The following PTPRD variants were observed in gnomAD, a reference collection of about 807,000 sequenced individuals.
PTPRD encodes protein tyrosine phosphatase receptor type D.
In PTPRD, 34 loss-of-function variants were observed where a neutral mutation model predicts 214.5. That is an observed-to-expected ratio of 0.16 (90% CI 0.12 to 0.21). The LOEUF is 0.21. PTPRD is among the 10% of genes least tolerant of loss of function. The probability of loss-of-function intolerance (pLI) is 1.00; values close to 1 mark genes in which losing one functional copy is unlikely to be tolerated. For missense variants in PTPRD, 2,545 were observed against 2,398.7 expected (o/e 1.06, Z -1.27); for synonymous variants, 1,128 against 845.7 (o/e 1.33, Z -5.79).
intron 7 of PTPRD, among the ~76,000 whole-genome samples, chr9:9,651,822 G>GTTT (rs1470208021): frequency 3.2e-5 from 3 of 92,594 alleles, no homozygotes; most frequent in African/African-American, 7.4e-5. Flanking sequence ...TTTATTCAAG[G>GTTT]TTTGTTTTTT....
chr9:8,330,338 T>G (rs559072796), intron 44 of PTPRD, among the ~76,000 whole-genome samples: 8 of 152,236 alleles, frequency 5.3e-5, no homozygotes, highest in African/African-American at 1.9e-4. Context: ...GTAAGTACAT[T>G]GTTGTTTGTT....
chr9:10,295,402 A>C (rs550960199), intron 3 of PTPRD, among the ~76,000 whole-genome samples: 9 of 152,200 alleles, frequency 5.9e-5, no homozygotes, highest in African/African-American at 2.2e-4. Context: ...AATTACCAAG[A>C]ATATCAACTA....
chr9:8,521,621 C>A (rs1020176557), intron 19 of PTPRD, 75 bp from the exon 20 acceptor site: 1 of 1,493,716 alleles, frequency 6.7e-7, no homozygotes, highest in Admixed American at 1.8e-5. Context: ...ATGACATGCA[C>A]CGTACAGACA....
chr9:9,756,399 C>T (rs75401143), intron 6 of PTPRD, among the ~76,000 whole-genome samples: 8,309 of 152,088 alleles, frequency 0.055, 664 homozygotes, highest in East Asian at 0.38. Flanking sequence ...AACATTTATT[C>T]AGTTTTAACA....
chr9:8,604,799 A>G (rs938087358), intron 14 of PTPRD, among the ~76,000 whole-genome samples: 1 of 152,282 alleles, frequency 6.6e-6, no homozygotes, highest in African/African-American at 2.4e-5. Context: ...GCTTTCATAA[A>G]CGGGTATGAT....
chr9:9,375,707 A>T (rs912620480), intron 9 of PTPRD, among the ~76,000 whole-genome samples: 1 of 152,182 alleles, frequency 6.6e-6, no homozygotes, highest in East Asian at 1.9e-4. Flanking sequence ...ACAAAGAATA[A>T]ATATGGTATG....
intron 7 of PTPRD, among the ~76,000 whole-genome samples, chr9:9,684,423 G>A (rs374584790): frequency 5.9e-5 from 9 of 151,414 alleles, no homozygotes; most frequent in Admixed American, 4.0e-4. Context: ...AGATTAGTTC[G>A]ACTCTAAAAA....
At chr9:9,824,115 G>A (rs2051803994) in intron 5 of PTPRD, among the ~76,000 whole-genome samples, 1 of 151,778 alleles carries the variant, frequency 6.6e-6, no homozygotes, top group Non-Finnish European at 1.5e-5. Flanking sequence ...ATATAAGAAT[G>A]ATAAATGAAT....
chr9:8,687,432 G>C (rs963198836), intron 12 of PTPRD, among the ~76,000 whole-genome samples: 3 of 152,178 alleles, frequency 2.0e-5, no homozygotes, highest in African/African-American at 7.2e-5. Flanking sequence ...AGTTTGGTAA[G>C]GACAACACAA....
Position 10,269,529 on chromosome 9 carries a change from G to C in PTPRD, c.-545+71434C>G, listed in dbSNP as rs140953745. ...GAAAACCCTTTGATTTCTAAGAAAA[G>C]AGAGGGTGCTCTACTGTTGCTTACA... On this transcript the variant is annotated intron_variant, in intron 3 of 45. Transcript: ENST00000381196. Among the ~76,000 whole-genome samples, 283 of 152,244 alleles carry C rather than the reference G, an allele frequency of 1.9e-3. 1 individual carries two copies. Among genetic ancestry groups the C allele is most frequent in the Admixed American group, 3.1e-3 (47 of 15,296 alleles).
intron 9 of PTPRD, among the ~76,000 whole-genome samples, chr9:9,268,295 T>A (rs1303140287): frequency 6.6e-6 from 1 of 151,018 alleles, no homozygotes; most frequent in African/African-American, 2.4e-5. Flanking sequence ...TACTTACGAA[T>A]TAATTTAACT....
intron 9 of PTPRD, among the ~76,000 whole-genome samples, chr9:9,279,017 T>C (rs937046182): frequency 6.6e-5 from 10 of 151,158 alleles, no homozygotes; most frequent in African/African-American, 1.9e-4. Context: ...CGGAAAACTA[T>C]ATATTAATTT....
chr9:9,812,942 TATC>T (rs1166859421), intron 5 of PTPRD, among the ~76,000 whole-genome samples: 5 of 152,250 alleles, frequency 3.3e-5, no homozygotes, highest in African/African-American at 1.2e-4. Context: ...AGATACTTGT[TATC>T]ATATTTGGTA....
At chr9:10,411,380 G>C (rs968113019) in intron 2 of PTPRD, among the ~76,000 whole-genome samples, 2 of 151,704 alleles carry the variant, frequency 1.3e-5, no homozygotes, top group Non-Finnish European at 2.9e-5. Flanking sequence ...ATCATGAAAG[G>C]ATGCAACCAT....
chr9:9,150,110 T>G (rs1160439397), intron 10 of PTPRD, among the ~76,000 whole-genome samples: 1 of 152,206 alleles, frequency 6.6e-6, no homozygotes, highest in Non-Finnish European at 1.5e-5. Context: ...AAAGCTGCCT[T>G]GTTTTTTGAA....
intron 4 of PTPRD, among the ~76,000 whole-genome samples, chr9:9,949,982 T>A (rs905302191): frequency 6.6e-6 from 1 of 152,230 alleles, no homozygotes; most frequent in African/African-American, 2.4e-5. Flanking sequence ...TTTTTGTTTC[T>A]GCAACCAAGC....
chr9:9,846,857 G>A (rs1043964834), intron 5 of PTPRD, among the ~76,000 whole-genome samples: 1 of 152,096 alleles, frequency 6.6e-6, no homozygotes, highest in African/African-American at 2.4e-5. Flanking sequence ...AGGAAGTTAT[G>A]TTTAAGCCCA....
intron 26 of PTPRD, among the ~76,000 whole-genome samples, chr9:8,493,194 G>A (rs111949612): frequency 6.6e-6 from 1 of 152,132 alleles, no homozygotes; most frequent in Admixed American, 6.6e-5. Context: ...GTAGATCTTA[G>A]GGTATTAGTC....
At chr9:9,104,693 G>A (rs1423586849) in intron 10 of PTPRD, among the ~76,000 whole-genome samples, 1 of 152,180 alleles carries the variant, frequency 6.6e-6, no homozygotes, top group Non-Finnish European at 1.5e-5. Context: ...GGTGCTCAGT[G>A]TCTCTTTGTT....
Sources: allele counts gnomAD v4.1 joint callset (sites outside exome capture counted in the v4.1 genomes callset), GRCh38; gene constraint gnomAD v4.1.1; transcripts MANE v1.5; gene names NCBI Gene and HGNC (gene_info 2026-07-23, HGNC 2026-07-21).